PHF3: variants seen among roughly 807,000 people sequenced by gnomAD.
The protein encoded by PHF3 is PHD finger protein 3.
PHF3 carries 41 observed loss-of-function variants against 178.4 expected under a neutral mutation model. The ratio of observed to expected loss-of-function variants is 0.23; its 90% CI spans 0.18 to 0.30. The LOEUF (loss-of-function observed/expected upper bound fraction) is 0.30. Among genes scored for constraint, PHF3 ranks in the 10% least tolerant of loss-of-function variants. PHF3 has a pLI of 1.00. For missense variants in PHF3, 2,346 were observed against 2,398.1 expected (o/e 0.98, Z 0.45); for synonymous variants, 842 against 800.5 (o/e 1.05, Z -0.88).
chr6:63,725,449 T>A lies in PHF3; in HGVS notation c.*11741T>A, dbSNP rs955707517. Among the ~76,000 whole-genome samples the A allele has an allele frequency of 6.6e-6, 1 of 152,144 alleles. No individual in the cohort carries two copies. The highest frequency in any genetic ancestry group is 2.4e-5 in the African/African-American group (1 of 41,440). On this transcript the variant is annotated 3_prime_UTR_variant, in exon 16 of 16. Coordinates refer to ENST00000262043, the MANE Select transcript of PHF3 (RefSeq NM_001370348.2). ...GGTCCCACTTAACATTAATTTTGAGTTTTATTAGCAATATAACTGAAGCTG... is the reference window on the plus strand; with the variant it reads ...GGTCCCACTTAACATTAATTTTGAGATTTATTAGCAATATAACTGAAGCTG...
intron 4 of PHF3, 75 bp downstream of exon 4, chr6:63,685,986 G>T: frequency 9.9e-7 from 1 of 1,006,710 alleles, no homozygotes; most frequent in Non-Finnish European, 1.5e-6. Context: ...ATTAATGTGA[G>T]AATTGTTTTA....
At position 63,680,137 on chromosome 6, in the gene PHF3, A is replaced by G. The variant is rs2149577966; in HGVS notation, c.382A>G (p.Lys128Glu). 6.2e-7 allele frequency: 1 copy of G among 1,609,116 alleles called. No homozygotes were observed. Among genetic ancestry groups the G allele is most frequent in the South Asian group, 1.1e-5 (1 of 90,142 alleles). ...VEENSVRSPR[K>E]SPRLMAQEQV... ...AGAAAATTCAGTGAGATCTCCAAGAAAATCACCTCGTTTAATGGCACAAGG... is the reference window on the plus strand; with the variant it reads ...AGAAAATTCAGTGAGATCTCCAAGAGAATCACCTCGTTTAATGGCACAAGG... The change falls in exon 3 of 16, where the codon AAA becomes GAA. Residue 128 changes from lysine (K) to glutamate (E), a missense_variant. Coordinates refer to ENST00000262043, the MANE Select transcript of PHF3 (RefSeq NM_001370348.2).
At position 63,712,294 on chromosome 6, in the gene PHF3, C is replaced by G. The variant is rs1255422947; in HGVS notation, c.4706C>G (p.Thr1569Arg). 1 of 1,613,258 alleles carries G rather than the reference C, an allele frequency of 6.2e-7. No homozygotes were observed. Among genetic ancestry groups the G allele is most frequent in the Non-Finnish European group, 8.5e-7 (1 of 1,179,702 alleles). Residue 1569 changes from threonine to arginine, a missense_variant, in exon 16 of 16, where the codon ACA becomes AGA. By Grantham distance (71) the Thr-to-Arg change is moderately conservative. Coordinates refer to ENST00000262043, the MANE Select transcript of PHF3 (RefSeq NM_001370348.2). ...SLRGKPPDVSTEAFLTNLSIQ... is the reference protein window; with the variant it reads ...SLRGKPPDVSREAFLTNLSIQ... ...AGAGGTAAGCCACCAGATGTTTCTACAGAAGCATTTTTAACAAATTTATCA... is the reference window on the plus strand; with the variant it reads ...AGAGGTAAGCCACCAGATGTTTCTAGAGAAGCATTTTTAACAAATTTATCA...
chr6:63,677,094 G>A (rs907635121), intron 2 of PHF3, among the ~76,000 whole-genome samples: 3 of 152,084 alleles, frequency 2.0e-5, no homozygotes, highest in African/African-American at 7.2e-5. Flanking sequence ...GGTAGAATCA[G>A]TGTTTATTTT....
intron 6 of PHF3, among the ~76,000 whole-genome samples, chr6:63,697,408 G>A (rs896347162): frequency 6.6e-6 from 1 of 152,130 alleles, no homozygotes; most frequent in African/African-American, 2.4e-5. Context: ...AAGTGGGAGA[G>A]CAAATTTATT....
In PHF3 at chr6:63,724,145, C is replaced by T. The variant is rs1768523317; in HGVS notation, c.*10437C>T. Among the ~76,000 whole-genome samples, 1 of 152,114 alleles carries T rather than the reference C, an allele frequency of 6.6e-6. No individual in the cohort carries two copies. The stretch of plus-strand genomic sequence containing the variant: ...AGAGTAAGAAAATGTAATGAACAGT[C>T]CTTACAAGAAACAGAGCTCAAATAG... On this transcript the variant is annotated 3_prime_UTR_variant, in exon 16 of 16. Coordinates refer to ENST00000262043, the MANE Select transcript of PHF3 (RefSeq NM_001370348.2).
At position 63,698,135 on chromosome 6, in the gene PHF3, T is replaced by C. The variant is rs1430764183; in HGVS notation, c.2681-88T>C. On this transcript the variant is annotated intron_variant, in intron 6 of 15. Coordinates refer to ENST00000262043, the MANE Select transcript of PHF3 (RefSeq NM_001370348.2). Reference sequence around the variant, plus strand: ...GATCTTATTTCTAAATAGTGACTTTTAATCAGTTTTGTTTGTAAACTTATT... The same window carrying C: ...GATCTTATTTCTAAATAGTGACTTTCAATCAGTTTTGTTTGTAAACTTATT... 5 of 1,030,278 alleles carry C rather than the reference T, an allele frequency of 4.9e-6. No individual in the cohort carries two copies. The East Asian group carries it at 1.3e-4, about 26-fold the overall frequency. 63.8% of individuals were successfully genotyped at this position (1,030,278 alleles called of 1,614,324 possible). A position where few individuals can be genotyped will look rare whatever the true frequency, so the allele number is the denominator to read the frequency against.
chr6:63,713,863 G>A lies in PHF3; in HGVS notation c.*155G>A. 4 of 586,846 alleles carry A rather than the reference G, an allele frequency of 6.8e-6. No individual in the cohort carries two copies. Among genetic ancestry groups the A allele is most frequent in the Non-Finnish European group, 1.2e-5 (4 of 341,360 alleles). The allele number at this position is 586,846 out of a possible 1,614,324, so 36.4% of individuals were successfully genotyped here. A position where few individuals can be genotyped will look rare whatever the true frequency, so the allele number is the denominator to read the frequency against. On this transcript the variant is annotated 3_prime_UTR_variant, in exon 16 of 16. Coordinates refer to ENST00000262043, the MANE Select transcript of PHF3 (RefSeq NM_001370348.2). ...TAAATTCTGTGTGTTGGTACAGAGT[G>A]CTCTGTACCAGTGCTCATCATCCCT...
In PHF3 at chr6:63,685,323, T is replaced by C; in HGVS notation, c.1601T>C (p.Val534Ala). Residue 534 changes from valine to alanine, a missense_variant, in exon 4 of 16, where the codon GTA becomes GCA. Coordinates refer to ENST00000262043, the MANE Select transcript of PHF3 (RefSeq NM_001370348.2). Reference protein sequence around the residue: ...NVKSVKRNTDVPESQQNFHRP... With the variant: ...NVKSVKRNTDAPESQQNFHRP... Reference sequence around the variant, plus strand: ...AAAAGTGTGAAACGAAATACTGATGTACCAGAATCTCAGCAAAATTTTCAT... The same window carrying C: ...AAAAGTGTGAAACGAAATACTGATGCACCAGAATCTCAGCAAAATTTTCAT... The C allele has an allele frequency of 6.2e-7, 1 of 1,614,076 alleles. No homozygotes were observed. Among genetic ancestry groups the C allele is most frequent in the Non-Finnish European group, 8.5e-7 (1 of 1,179,982 alleles).
chr6:63,675,762 T>C (rs951745294), intron 2 of PHF3, among the ~76,000 whole-genome samples: 1 of 152,228 alleles, frequency 6.6e-6, no homozygotes, highest in Non-Finnish European at 1.5e-5. Flanking sequence ...CAAGTTATTT[T>C]CCAGCACATA....
chr6:63,685,768 T>G lies in PHF3; in HGVS notation c.2046T>G (p.Ser682=). 1.2e-6 allele frequency: 2 copies of G among 1,614,080 alleles called. No individual in the cohort carries two copies. Among genetic ancestry groups the G allele is most frequent in the Non-Finnish European group, 1.7e-6 (2 of 1,180,018 alleles). Residue 682 remains serine, a synonymous_variant, in exon 4 of 16, where the codon TCT becomes TCG. Coordinates refer to ENST00000262043, the MANE Select transcript of PHF3 (RefSeq NM_001370348.2). ...PRQRRSSKSF[S]LDEPPLFIPD... ...AAAGAAGAAGCAGCAAAAGTTTTTC[T>G]TTAGATGAGCCACCATTGTTCATTC... is the stretch of plus-strand genomic sequence containing the variant.
rs552255635 is a variant in PHF3, at chr6:63,703,075, AC to A, written c.3231+438del. 3.5e-3 allele frequency among the ~76,000 whole-genome samples: 528 copies of A among 152,242 alleles called. 4 individuals carry two copies. The highest frequency in any genetic ancestry group is 0.012 in the African/African-American group (502 of 41,550). On this transcript the variant is annotated intron_variant, in intron 10 of 15. Transcript: ENST00000262043. ...GTATTTTTAGTAGAGACAGAGTTTC[AC>A]CATGTTGGCCAGGCTGGTCTTAAAC...
At chr6:63,694,500 C>A in intron 5 of PHF3, 81 bp from the exon 6 acceptor site, 1 of 976,216 alleles carries the variant, frequency 1.0e-6, no homozygotes, top group Non-Finnish European at 1.5e-6. Flanking sequence ...TACTAATAAT[C>A]AAGAGTTATT....
In PHF3 at chr6:63,718,046, C is replaced by T. The variant is rs919958308; in HGVS notation, c.*4338C>T. ...GTCAACACCATTATCACCAGGATAG[C>T]AAAAATAGGAAGCGGGAATAGTGTT... On this transcript the variant is annotated 3_prime_UTR_variant, in exon 16 of 16. Coordinates refer to ENST00000262043, the MANE Select transcript of PHF3 (RefSeq NM_001370348.2). 6.6e-6 allele frequency among the ~76,000 whole-genome samples: 1 copy of T among 151,876 alleles called. No individual in the cohort carries two copies. Among genetic ancestry groups the T allele is most frequent in the Non-Finnish European group, 1.5e-5 (1 of 67,914 alleles).
At position 63,712,461 on chromosome 6, in the gene PHF3, A is replaced by G. The variant is rs759874771; in HGVS notation, c.4873A>G (p.Ile1625Val). The part of the protein sequence containing the change: ...PCRSNVGKGN[I>V]DGNVSCSENL... ...CAGATCTAATGTAGGAAAAGGAAAC[A>G]TAGATGGTAATGTGAGCTGTAGTGA... The change falls in exon 16 of 16, where the codon ATA (isoleucine) becomes GTA (valine). Residue 1625 changes from isoleucine to valine, a missense_variant. This residue lies in a region of PHF3 where 839 missense variants were observed against 806.9 expected (regional missense o/e 1.04). Coordinates refer to ENST00000262043, the MANE Select transcript of PHF3 (RefSeq NM_001370348.2). 1.2e-6 allele frequency: 2 copies of G among 1,613,986 alleles called. No individual in the cohort carries two copies. Among genetic ancestry groups the G allele is most frequent in the East Asian group, 2.2e-5 (1 of 44,844 alleles).
At chr6:63,675,280 T>A (rs752445407) in intron 2 of PHF3, among the ~76,000 whole-genome samples, 1 of 152,174 alleles carries the variant, frequency 6.6e-6, no homozygotes, top group Non-Finnish European at 1.5e-5. Context: ...AAAGGAAAAT[T>A]ACAAGGCAGG....
At chr6:63,706,596 A>C (rs181348388) in intron 12 of PHF3, 133 bp from the exon 13 acceptor site, 1 of 693,134 alleles carries the variant, frequency 1.4e-6, no homozygotes. Flanking sequence ...TTATAAAATG[A>C]AAGTGTGAAC....
chr6:63,684,409 G>A lies in PHF3; in HGVS notation c.687G>A (p.Lys229=), dbSNP rs752610955. 3.0e-5 allele frequency: 48 copies of A among 1,613,898 alleles called. No homozygotes were observed. In the East Asian group the frequency reaches 8.2e-4, roughly 28 times the overall value. Residue 229 remains lysine (K), a synonymous_variant, in exon 4 of 16, where the codon AAG becomes AAA. Coordinates refer to ENST00000262043, the MANE Select transcript of PHF3 (RefSeq NM_001370348.2). ...HSSVSSCLEM[K]DEDGLDSKHK... ...CAGTGTCATCTTGTCTTGAAATGAAGGATGAAGATGGATTAGATTCTAAGC... is the reference window on the plus strand; with the variant it reads ...CAGTGTCATCTTGTCTTGAAATGAAAGATGAAGATGGATTAGATTCTAAGC...
At chr6:63,636,973 T>G (rs1464777405) in intron 1 of PHF3, among the ~76,000 whole-genome samples, 1 of 152,150 alleles carries the variant, frequency 6.6e-6, no homozygotes, top group Admixed American at 6.5e-5. Flanking sequence ...GTGACCTTTT[T>G]CCATCTTTGG....
Sources: gnomAD v4.1 joint callset for allele counts (sites outside exome capture counted in the v4.1 genomes callset) on GRCh38, gnomAD v4.1.1 for gene constraint, gnomAD v4.1.1 regional missense constraint, MANE v1.5 for transcripts, NCBI Gene and HGNC (gene_info 2026-07-23, HGNC 2026-07-21) for gene names.